The following PMEPA1 variants were observed in gnomAD, a reference collection of about 807,000 sequenced individuals.
The protein encoded by PMEPA1 is protein TMEPAI.
A neutral mutation model predicts 23.0 loss-of-function variants in PMEPA1; 11 were observed. The observed-to-expected ratio is 0.48, with a 90% CI of 0.30 to 0.79. The LOEUF is 0.79. Ranked by LOEUF, PMEPA1 falls within the 30% of genes least tolerant of loss-of-function variation. The probability of loss-of-function intolerance (pLI) is 0.06; values close to 1 mark genes in which losing one functional copy is unlikely to be tolerated. For synonymous variants in PMEPA1, 204 were observed against 166.4 expected, an observed-to-expected ratio of 1.23 and a Z score of -1.74; for missense variants, 377 against 390.9, an observed-to-expected ratio of 0.96 and a Z score of 0.30.
chr20:57,680,376 T>A (rs2071696389), intron 1 of PMEPA1, among the ~76,000 whole-genome samples: 1 of 152,158 alleles, frequency 6.6e-6, no homozygotes, highest in African/African-American at 2.4e-5. Context: ...CATCTGGCCA[T>A]ATCTGGAAAC....
intron 1 of PMEPA1, among the ~76,000 whole-genome samples, chr20:57,671,949 G>T (rs1212923907): frequency 1.3e-5 from 2 of 152,238 alleles, no homozygotes; most frequent in African/African-American, 4.8e-5. Flanking sequence ...ATCCAATTCA[G>T]TCTGATAATG....
chr20:57,689,901 C>A (rs1010524617), intron 1 of PMEPA1, among the ~76,000 whole-genome samples: 1 of 152,226 alleles, frequency 6.6e-6, no homozygotes, highest in Non-Finnish European at 1.5e-5. Flanking sequence ...ACAGACACGG[C>A]GCTGCTGGGG....
Position 57,651,853 on chromosome 20 carries a change from T to TG in PMEPA1, c.*199_*200insC. On this transcript the variant is annotated 3_prime_UTR_variant, in exon 4 of 4. Coordinates refer to ENST00000341744, the MANE Select transcript of PMEPA1 (RefSeq NM_020182.5). ...AAACGTGGTTTTTTTTTTTCTTTTTTCTTTTTTTTTTTGCAAGCTCTCTTA... is the reference window on the plus strand; with the variant it reads ...AAACGTGGTTTTTTTTTTTCTTTTTTGCTTTTTTTTTTTGCAAGCTCTCTTA... 7.1e-5 allele frequency: 27 copies of TG among 382,582 alleles called. No homozygotes were observed. Among genetic ancestry groups the TG allele is most frequent in the South Asian group, 1.4e-4 (1 of 7,256 alleles). The allele number at this position is 382,582 out of a possible 1,614,324, so 23.7% of individuals were successfully genotyped here.
chr20:57,652,032 A>G lies in PMEPA1; in HGVS notation c.*21T>C. 1 of 1,456,690 alleles carries G rather than the reference A, an allele frequency of 6.9e-7. No individual in the cohort carries two copies. Among genetic ancestry groups the G allele is most frequent in the South Asian group, 1.5e-5 (1 of 68,810 alleles). 90.2% of individuals were successfully genotyped at this position (1,456,690 alleles called of 1,614,324 possible). On this transcript the variant is annotated 3_prime_UTR_variant, in exon 4 of 4. Coordinates refer to ENST00000341744, the MANE Select transcript of PMEPA1 (RefSeq NM_020182.5). This position sits in a 1 kb window ranked among gnomAD's most constrained non-coding sequence, Gnocchi z 6.1. ...TCTGCCTTTTCACCTACGCAGCCCCAGCCCGGCCCCCCTGGGGACCCTAGA... is the reference window on the plus strand; with the variant it reads ...TCTGCCTTTTCACCTACGCAGCCCCGGCCCGGCCCCCCTGGGGACCCTAGA...
rs2071309666 is a variant in PMEPA1, at chr20:57,655,150, G to A, written c.265-2064C>T. ...CACCATACAGTGTGTTCTGCAAGGT[G>A]CCCAGTGAACACAGACTCTCACGTC... is the stretch of plus-strand genomic sequence containing the variant. On this transcript the variant is annotated intron_variant, in intron 2 of 3. Coordinates refer to ENST00000341744, the MANE Select transcript of PMEPA1 (RefSeq NM_020182.5). This position sits in a 1 kb window ranked among gnomAD's most constrained non-coding sequence, Gnocchi z 4.2. 6.6e-6 allele frequency among the ~76,000 whole-genome samples: 1 copy of A among 152,180 alleles called. No homozygotes were observed. Among genetic ancestry groups the A allele is most frequent in the Non-Finnish European group, 1.5e-5 (1 of 68,024 alleles).
chr20:57,701,608 T>G lies in PMEPA1; in HGVS notation c.109+7866A>C, dbSNP rs1300306291. Among the ~76,000 whole-genome samples the G allele has an allele frequency of 2.6e-5, 4 of 152,046 alleles. 1 individual carries two copies. On this transcript the variant is annotated intron_variant, in intron 1 of 3. Coordinates refer to ENST00000341744, the MANE Select transcript of PMEPA1 (RefSeq NM_020182.5). ...GGGCACAGTTTCCTGCCCCCAATAG[T>G]GGAAACTTTGGAGCATTAAAAATCA... is the stretch of plus-strand genomic sequence containing the variant.
At position 57,688,910 on chromosome 20, in the gene PMEPA1, G is replaced by C. The variant is rs533620058; in HGVS notation, c.109+20564C>G. Among the ~76,000 whole-genome samples, 18 of 152,302 alleles carry C rather than the reference G, an allele frequency of 1.2e-4. No individual in the cohort carries two copies. In the South Asian group the frequency reaches 3.3e-3, roughly 28 times the overall value. ...CATGGTGAGCATTCCCTGAGCGGGT[G>C]GGGGTGGGAATTCTGCATCTTTCCC... On this transcript the variant is annotated intron_variant, in intron 1 of 3. Coordinates refer to ENST00000341744, the MANE Select transcript of PMEPA1 (RefSeq NM_020182.5).
rs1482089819 is a variant in PMEPA1, at chr20:57,649,153, A to C, written c.*2900T>G. Reference sequence around the variant, plus strand: ...ATGGAACGGCAGACCCCTGAAACGAAGCTTGTCCCCTTCCAATCAGCCACT... The same window carrying C: ...ATGGAACGGCAGACCCCTGAAACGACGCTTGTCCCCTTCCAATCAGCCACT... On this transcript the variant is annotated 3_prime_UTR_variant, in exon 4 of 4. Transcript: ENST00000341744. The C allele has an allele frequency of 6.6e-6, 1 of 152,196 alleles. No individual in the cohort carries two copies. Among genetic ancestry groups the C allele is most frequent in the Non-Finnish European group, 1.5e-5 (1 of 68,090 alleles). The allele number at this position is 152,196 out of a possible 1,614,324, so 9.4% of individuals were successfully genotyped here.
intron 1 of PMEPA1, among the ~76,000 whole-genome samples, chr20:57,706,293 C>A (rs752136156): frequency 3.3e-5 from 5 of 151,996 alleles, no homozygotes; most frequent in Non-Finnish European, 7.4e-5. Context: ...GGAGAAAGAC[C>A]GGGGGTAATC....
chr20:57,696,061 C>T (rs1263758408), intron 1 of PMEPA1, among the ~76,000 whole-genome samples: 4 of 152,182 alleles, frequency 2.6e-5, no homozygotes, highest in Non-Finnish European at 5.9e-5. Context: ...CACTTTCTCC[C>T]TTCAGCTGCA....
chr20:57,665,126 C>T (rs2071474676), intron 1 of PMEPA1, among the ~76,000 whole-genome samples: 1 of 152,208 alleles, frequency 6.6e-6, no homozygotes, highest in Non-Finnish European at 1.5e-5. Flanking sequence ...CACACCCAAA[C>T]TCACTGTAGT....
At chr20:57,667,543 C>T (rs1056865789) in intron 1 of PMEPA1, among the ~76,000 whole-genome samples, 4 of 152,230 alleles carry the variant, frequency 2.6e-5, no homozygotes, top group East Asian at 1.9e-4. Flanking sequence ...CCAGACCAGA[C>T]GACCCCCCTC....
chr20:57,664,184 C>T (rs1217292540), intron 1 of PMEPA1, among the ~76,000 whole-genome samples: 1 of 152,200 alleles, frequency 6.6e-6, no homozygotes, highest in East Asian at 1.9e-4. Flanking sequence ...ATCACGGGAG[C>T]AGGGCTGTGG....
chr20:57,679,415 C>T (rs954308214), intron 1 of PMEPA1, among the ~76,000 whole-genome samples: 5 of 152,180 alleles, frequency 3.3e-5, no homozygotes, highest in African/African-American at 2.4e-5. Flanking sequence ...GCATAGACAA[C>T]GTGAACTTGA....
chr20:57,693,708 A>ATT (rs60502125), intron 1 of PMEPA1, among the ~76,000 whole-genome samples: 2 of 150,800 alleles, frequency 1.3e-5, no homozygotes, highest in African/African-American at 4.9e-5. Flanking sequence ...AATTAAGGAG[A>ATT]TTTTTTTTTT....
intron 1 of PMEPA1, among the ~76,000 whole-genome samples, chr20:57,660,047 C>T (rs770361516): frequency 6.6e-6 from 1 of 152,188 alleles, no homozygotes; most frequent in Non-Finnish European, 1.5e-5. Context: ...AGCCGTTCTG[C>T]AGATGCACAG....
At chr20:57,657,929 C>A (rs2071350902) in intron 2 of PMEPA1, among the ~76,000 whole-genome samples, 1 of 152,198 alleles carries the variant, frequency 6.6e-6, no homozygotes, top group African/African-American at 2.4e-5. Flanking sequence ...TGGCCACGTG[C>A]CACCTCCTCC....
At position 57,682,136 on chromosome 20, in the gene PMEPA1, A is replaced by G. The variant is rs1195914406; in HGVS notation, c.110-22439T>C. On this transcript the variant is annotated intron_variant, in intron 1 of 3. Transcript: ENST00000341744. This position sits in a 1 kb window ranked among gnomAD's most constrained non-coding sequence, Gnocchi z 4.4. The stretch of plus-strand genomic sequence containing the variant: ...GGGAAGGAGCTCACCTACTGGATAA[A>G]TGAACAGAAGATGGGTGATTCGCCC... Among the ~76,000 whole-genome samples, 1 of 152,204 alleles carries G rather than the reference A, an allele frequency of 6.6e-6. No individual in the cohort carries two copies. The highest frequency in any genetic ancestry group is 2.4e-5 in the African/African-American group (1 of 41,456).
Position 57,683,332 on chromosome 20 carries a change from A to T in PMEPA1, c.110-23635T>A, listed in dbSNP as rs967724541. 6.6e-6 allele frequency among the ~76,000 whole-genome samples: 1 copy of T among 152,218 alleles called. No homozygotes were observed. The highest frequency in any genetic ancestry group is 2.4e-5 in the African/African-American group (1 of 41,452). ...CTGTTGCCATTCAGTTCTCTATGCC[A>T]TGCTGGCCTGGTGACTTGGGTTAAT... On this transcript the variant is annotated intron_variant, in intron 1 of 3. Coordinates refer to ENST00000341744, the MANE Select transcript of PMEPA1 (RefSeq NM_020182.5). This position sits in a 1 kb window ranked among gnomAD's most constrained non-coding sequence, Gnocchi z 4.3.
Sources: allele counts gnomAD v4.1 joint callset (sites outside exome capture counted in the v4.1 genomes callset), GRCh38; gene constraint gnomAD v4.1.1; non-coding constraint Gnocchi (gnomAD v3.1); transcripts MANE v1.5; gene names NCBI Gene and HGNC (gene_info 2026-07-23, HGNC 2026-07-21).